The following GMPR variants were observed in gnomAD, a reference collection of about 807,000 sequenced individuals.
GMPR encodes the protein guanosine monophosphate reductase, also known as GMP reductase 1.
Under a neutral mutation model 38.4 loss-of-function variants are expected in GMPR, and 31 were observed. The ratio of observed to expected loss-of-function variants is 0.81; its 90% confidence interval spans 0.61 to 1.09. The LOEUF is 1.09. Ranked by LOEUF, GMPR falls within the 50% of genes least tolerant of loss-of-function variation. The pLI is 0.00. For missense variants in GMPR, 468 were observed against 453.7 expected (o/e 1.03, Z -0.29); for synonymous variants, 162 against 173.3 (o/e 0.93, Z 0.51).
intron 6 of GMPR, 30 bp downstream of exon 6, chr6:16,278,920 G>T (rs543726425): frequency 5.6e-6 from 8 of 1,440,426 alleles, no homozygotes; most frequent in Middle Eastern, 1.8e-4. Context: ...TGAGGCTGGG[G>T]TGTCTTGGGA....
intron 3 of GMPR, among the ~76,000 whole-genome samples, chr6:16,253,267 T>A (rs1758909371): frequency 1.3e-5 from 2 of 152,272 alleles, no homozygotes; most frequent in Admixed American, 1.3e-4. Context: ...TTTGCAATTC[T>A]GTGTACAGGT....
At chr6:16,246,731 G>T in intron 1 of GMPR, 111 bp from the exon 2 acceptor site, 1 of 1,003,744 alleles carries the variant, frequency 1.0e-6, no homozygotes, top group South Asian at 1.6e-5. Flanking sequence ...GAGAATCCAG[G>T]GACCTTTGTC....
At chr6:16,275,493 A>C (rs1009173658) in intron 5 of GMPR, among the ~76,000 whole-genome samples, 3 of 152,198 alleles carry the variant, frequency 2.0e-5, no homozygotes, top group African/African-American at 7.2e-5. Context: ...AGCTTTTAAC[A>C]TACAGGGAGA....
chr6:16,258,375 G>A (rs1759017457), intron 4 of GMPR, among the ~76,000 whole-genome samples: 1 of 152,256 alleles, frequency 6.6e-6, no homozygotes. Context: ...GAGCCTGCAT[G>A]TCACCTCTGA....
chr6:16,262,773 A>G (rs997881478), intron 4 of GMPR: 1 of 152,034 alleles, frequency 6.6e-6, no homozygotes, highest in Non-Finnish European at 1.5e-5. Context: ...TTGCTGCCAA[A>G]CGAGCCATGA....
intron 5 of GMPR, among the ~76,000 whole-genome samples, chr6:16,278,037 C>G (rs1406502290): frequency 6.6e-6 from 1 of 152,158 alleles, no homozygotes; most frequent in Non-Finnish European, 1.5e-5. Context: ...ACAACCAGGA[C>G]TGGGGCTGAC....
Position 16,254,726 on chromosome 6 carries a change from C to T in GMPR, c.456C>T (p.His152=). ...TTGTCCGTGCCAAATTTCCTGAACA[C>T]ACCATTATGGTAAGTACGGTAGAAC... ...VKLVRAKFPE[H]TIMAGNVVTG... Residue 152 remains histidine, a synonymous_variant, in exon 4 of 9, where the codon CAC becomes CAT. Coordinates refer to ENST00000259727, the MANE Select transcript of GMPR (RefSeq NM_006877.4). 1 of 1,611,272 alleles carries T rather than the reference C, an allele frequency of 6.2e-7. No individual in the cohort carries two copies. Among genetic ancestry groups the T allele is most frequent in the Non-Finnish European group, 8.5e-7 (1 of 1,177,408 alleles).
At chr6:16,257,348 T>G (rs780766326) in intron 4 of GMPR, among the ~76,000 whole-genome samples, 2 of 152,190 alleles carry the variant, frequency 1.3e-5, no homozygotes, top group African/African-American at 4.8e-5. Context: ...ATAGCCCTTA[T>G]TAATACGATA....
At chr6:16,266,533 T>C (rs1202685930) in intron 4 of GMPR, among the ~76,000 whole-genome samples, 1 of 150,654 alleles carries the variant, frequency 6.6e-6, no homozygotes, top group Non-Finnish European at 1.5e-5. Context: ...CTGGGCGCGG[T>C]GGCTCACGCC....
In GMPR at chr6:16,250,994, C is replaced by T. The variant is rs554234379; in HGVS notation, c.291+627C>T. On this transcript the variant is annotated intron_variant, in intron 3 of 8. Transcript: ENST00000259727. ...GGAAAACAGTTGTCAGTTCCTGGAA[C>T]GTTAACCATAAGAGTTGCCATGTGA... 2.6e-5 allele frequency among the ~76,000 whole-genome samples: 4 copies of T among 152,200 alleles called. 1 individual carries two copies. Among genetic ancestry groups the T allele is most frequent in the East Asian group, 3.9e-4 (2 of 5,188 alleles).
At chr6:16,261,031 T>G (rs973980101) in intron 4 of GMPR, among the ~76,000 whole-genome samples, 1 of 151,868 alleles carries the variant, frequency 6.6e-6, no homozygotes, top group Non-Finnish European at 1.5e-5. Flanking sequence ...TGAGCATAGT[T>G]TGTGATTTTG....
intron 1 of GMPR, among the ~76,000 whole-genome samples, chr6:16,243,122 G>C (rs544545814): frequency 6.6e-6 from 1 of 152,226 alleles, no homozygotes; most frequent in South Asian, 2.1e-4. Flanking sequence ...GTAAATTTTG[G>C]TTTGGAAAAT....
intron 8 of GMPR, 58 bp from the exon 9 acceptor site, chr6:16,294,948 T>C (rs1759908661): frequency 7.3e-7 from 1 of 1,374,762 alleles, no homozygotes; most frequent in South Asian, 1.2e-5. Flanking sequence ...TAATTCTAAT[T>C]GGGCTCTTAA....
At chr6:16,265,152 A>C (rs150942293) in intron 4 of GMPR, among the ~76,000 whole-genome samples, 1 of 152,302 alleles carries the variant, frequency 6.6e-6, no homozygotes, top group East Asian at 1.9e-4. Flanking sequence ...AGAATATTGC[A>C]GTGTTGACCA....
chr6:16,254,687 G>A lies in GMPR; in HGVS notation c.417G>A (p.Val139=), dbSNP rs1758940349. 6.2e-7 allele frequency: 1 copy of A among 1,613,770 alleles called. No individual in the cohort carries two copies. The highest frequency in any genetic ancestry group is 1.3e-5 in the African/African-American group (1 of 74,898). ...CCAATGGGTATTCAGAACATTTTGT[G>A]GAATTCGTGAAACTTGTCCGTGCCA... ...DVANGYSEHF[V]EFVKLVRAKF... The change falls in exon 4 of 9, where the codon GTG becomes GTA. Residue 139 remains valine, a synonymous_variant. Coordinates refer to ENST00000259727, the MANE Select transcript of GMPR (RefSeq NM_006877.4).
intron 7 of GMPR, chr6:16,289,691 C>T (rs553621300): frequency 1.3e-5 from 2 of 151,960 alleles, no homozygotes; most frequent in Non-Finnish European, 2.9e-5. Context: ...AGTGTAGGAG[C>T]TTCAGTCTGT....
chr6:16,293,039 T>TC, intron 8 of GMPR, among the ~76,000 whole-genome samples: 1 of 151,768 alleles, frequency 6.6e-6, no homozygotes, highest in East Asian at 1.9e-4. Flanking sequence ...TCTCTCTCTC[T>TC]TAGTTTTCAG....
At chr6:16,272,217 CAA>C (rs2113692143) in intron 4 of GMPR, among the ~76,000 whole-genome samples, 1 of 151,890 alleles carries the variant, frequency 6.6e-6, no homozygotes, top group Admixed American at 6.6e-5. Flanking sequence ...AAAAGCAAAA[CAA>C]AACAAAAAAC....
At chr6:16,277,106 G>A (rs773362697) in intron 5 of GMPR, among the ~76,000 whole-genome samples, 3 of 152,120 alleles carry the variant, frequency 2.0e-5, no homozygotes, top group African/African-American at 7.2e-5. Context: ...TTATTCTGCC[G>A]TGCACAACGT....
Sources: gnomAD v4.1 joint callset for allele counts (sites outside exome capture counted in the v4.1 genomes callset) on GRCh38, gnomAD v4.1.1 for gene constraint, MANE v1.5 for transcripts, NCBI Gene and HGNC (gene_info 2026-07-23, HGNC 2026-07-21) for gene names.